The following STK17B variants were observed in gnomAD, a reference collection of about 807,000 sequenced individuals.
The protein encoded by STK17B is serine/threonine-protein kinase 17B.
STK17B carries 21 observed loss-of-function variants against 42.0 expected under a neutral mutation model. That is an observed-to-expected ratio of 0.50 (90% CI 0.35 to 0.72). The LOEUF (loss-of-function observed/expected upper bound fraction) is 0.72, where lower values mean the gene tolerates loss of function less well. STK17B is among the 30% of genes least tolerant of loss of function. STK17B has a pLI of 0.00. For synonymous variants in STK17B, 143 were observed against 148.4 expected (o/e 0.96, Z 0.26); for missense variants, 349 against 446.0 (o/e 0.78, Z 1.96).
intron 2 of STK17B, among the ~76,000 whole-genome samples, chr2:196,160,181 G>A (rs1699793138): frequency 6.7e-6 from 1 of 149,736 alleles, no homozygotes; most frequent in Non-Finnish European, 1.5e-5. Flanking sequence ...TCCCAGCAGC[G>A]AAAAGGTCTA....
chr2:196,137,503 GA>G lies in STK17B; in HGVS notation c.1062del (p.Arg355ValfsTer52). On this transcript the variant is annotated frameshift_variant, in exon 8 of 8. Transcript: ENST00000263955. LOFTEE classifies it high-confidence loss of function. ...GGATTGGGTAATGAGTCATCGAAAC[GA>G]AATCTTTTGGAAACCATGCTGCTAT... ...PEDSSMVSKR[F>X]RFDDSLPNPH... 1 of 1,614,088 alleles carries G rather than the reference GA, an allele frequency of 6.2e-7. No individual in the cohort carries two copies. The highest frequency in any genetic ancestry group is 8.5e-7 in the Non-Finnish European group (1 of 1,179,982).
At chr2:196,155,408 T>C (rs1454668853) in intron 3 of STK17B, among the ~76,000 whole-genome samples, 2 of 152,192 alleles carry the variant, frequency 1.3e-5, no homozygotes, top group African/African-American at 4.8e-5. Context: ...AAATCTTCAT[T>C]TTCATTCACA....
At chr2:196,143,297 T>G (rs1334591869) in intron 5 of STK17B, among the ~76,000 whole-genome samples, 3 of 152,212 alleles carry the variant, frequency 2.0e-5, no homozygotes, top group Non-Finnish European at 4.4e-5. Context: ...TCTTTTTTCC[T>G]TATGTACAAA....
chr2:196,138,582 GT>G (rs935157736), intron 7 of STK17B, among the ~76,000 whole-genome samples: 110 of 144,272 alleles, frequency 7.6e-4, no homozygotes, highest in Middle Eastern at 7.1e-3. Context: ...TTTTTTTTTG[GT>G]TTTTTTTTTT....
At chr2:196,162,787 G>A (rs1239195816) in intron 2 of STK17B, among the ~76,000 whole-genome samples, 1 of 152,074 alleles carries the variant, frequency 6.6e-6, no homozygotes, top group African/African-American at 2.4e-5. Flanking sequence ...CTACTTAGGA[G>A]GCTGAGGTGG....
intron 4 of STK17B, 115 bp downstream of exon 4, chr2:196,145,796 G>T: frequency 9.5e-7 from 1 of 1,057,634 alleles, no homozygotes; most frequent in Non-Finnish European, 1.3e-6. Context: ...CACCAGTGCA[G>T]TCTAGAAGAC....
intron 3 of STK17B, among the ~76,000 whole-genome samples, chr2:196,155,831 T>G (rs1207158609): frequency 3.0e-4 from 46 of 152,330 alleles, no homozygotes; most frequent in Non-Finnish European, 1.5e-5. Context: ...CCTGGTGAAC[T>G]GTAGAATACT....
At position 196,133,855 on chromosome 2, in the gene STK17B, T is replaced by A. The variant is rs560848033; in HGVS notation, c.*3592A>T. 11 of 152,324 alleles carry A rather than the reference T, an allele frequency of 7.2e-5. No individual in the cohort carries two copies. Among genetic ancestry groups the A allele is most frequent in the Middle Eastern group, 3.4e-3 (1 of 294 alleles). 9.4% of individuals were successfully genotyped at this position (152,324 alleles called of 1,614,324 possible). ...AAATATGGCAGGAAGTTGTAATTTA[T>A]GGAAAATTTACAATTATTCTTTAAA... On this transcript the variant is annotated 3_prime_UTR_variant, in exon 8 of 8. Coordinates refer to ENST00000263955, the MANE Select transcript of STK17B (RefSeq NM_004226.4).
Position 196,135,025 on chromosome 2 carries a change from A to G in STK17B, c.*2422T>C, listed in dbSNP as rs1156570589. 1 of 152,186 alleles carries G rather than the reference A, an allele frequency of 6.6e-6. No homozygotes were observed. The highest frequency in any genetic ancestry group is 1.5e-5 in the Non-Finnish European group (1 of 68,018). 9.4% of individuals were successfully genotyped at this position (152,186 alleles called of 1,614,324 possible). A position where few individuals can be genotyped will look rare whatever the true frequency, so the allele number is the denominator to read the frequency against. ...TGCAATCACTAGTTGCTTTTTTACT[A>G]TAAAACTTAATATCAGGAAAAAAGG... is the stretch of plus-strand genomic sequence containing the variant. On this transcript the variant is annotated 3_prime_UTR_variant, in exon 8 of 8. Transcript: ENST00000263955.
In STK17B at chr2:196,137,538, A is replaced by T. The variant is rs185557932; in HGVS notation, c.1028T>A (p.Ile343Asn). Residue 343 changes from isoleucine to asparagine, a missense_variant, in exon 8 of 8, where the codon ATC (isoleucine) becomes AAC (asparagine). Coordinates refer to ENST00000263955, the MANE Select transcript of STK17B (RefSeq NM_004226.4). ...GGAAACCATGCTGCTATCCTCTGGG[A>T]TATTCTCTTTGTCTTCTCTATCACC... ...TCGDREDKENIPEDSSMVSKR... is the reference protein window; with the variant it reads ...TCGDREDKENNPEDSSMVSKR... The T allele has an allele frequency of 1.2e-4, 194 of 1,614,100 alleles. No homozygotes were observed. The highest frequency in any genetic ancestry group is 7.0e-4 in the Admixed American group (42 of 60,022).
upstream of STK17B, chr2:196,174,290 G>A (rs781152826): frequency 3.9e-5 from 6 of 152,118 alleles, no homozygotes; most frequent in Non-Finnish European, 7.3e-5. Flanking sequence ...GTAATGGCAC[G>A]ACACTCACCA....
intron 2 of STK17B, among the ~76,000 whole-genome samples, chr2:196,159,512 A>G (rs1248564790): frequency 6.6e-6 from 1 of 151,952 alleles, no homozygotes; most frequent in Non-Finnish European, 1.5e-5. Context: ...GTGTCTCCCT[A>G]TGTTGCCCAG....
rs553540714 is a variant in STK17B at position 196,169,720 on chromosome 2, G to C, written c.-45+1613C>G. 3.6e-4 allele frequency among the ~76,000 whole-genome samples: 55 copies of C among 152,174 alleles called. 2 individuals carry two copies. The Middle Eastern group carries it at 0.01, about 28-fold the overall frequency. On this transcript the variant is annotated intron_variant, in intron 1 of 7. Coordinates refer to ENST00000263955, the MANE Select transcript of STK17B (RefSeq NM_004226.4). ...GTCAAACCTCCAACTTCCTAAAAAC[G>C]CATTCTATCTTAACCAAATCGTAAT...
chr2:196,137,055 C>A lies in STK17B; in HGVS notation c.*392G>T, dbSNP rs1375236730. On this transcript the variant is annotated 3_prime_UTR_variant, in exon 8 of 8. Transcript: ENST00000263955. ...TGATAGAGGCATGGTATAAGAGTCACCTTAGAGAGAGAACCTATTAAATTC... is the reference window on the plus strand; with the variant it reads ...TGATAGAGGCATGGTATAAGAGTCAACTTAGAGAGAGAACCTATTAAATTC... The A allele has an allele frequency of 5.7e-6, 1 of 176,348 alleles. No homozygotes were observed. Among genetic ancestry groups the A allele is most frequent in the Non-Finnish European group, 1.2e-5 (1 of 83,412 alleles). 10.9% of individuals were successfully genotyped at this position (176,348 alleles called of 1,614,324 possible).
At chr2:196,163,796 G>A (rs1699843088) in intron 1 of STK17B, among the ~76,000 whole-genome samples, 1 of 152,094 alleles carries the variant, frequency 6.6e-6, no homozygotes, top group Admixed American at 6.6e-5. Context: ...CCAGCACTTT[G>A]GGAGGCTGAG....
Position 196,143,417 on chromosome 2 carries a change from C to T in STK17B, c.607+143G>A, listed in dbSNP as rs1418370378. ...TTCATTTAAATGTGTCTTAACCTAACCAAGTTTTAATGTATCAAAATACTT... is the reference window on the plus strand; with the variant it reads ...TTCATTTAAATGTGTCTTAACCTAATCAAGTTTTAATGTATCAAAATACTT... On this transcript the variant is annotated intron_variant, in intron 5 of 7. Transcript: ENST00000263955. 3 of 761,246 alleles carry T rather than the reference C, an allele frequency of 3.9e-6. No homozygotes were observed. The African/African-American group carries it at 5.4e-5, about 14-fold the overall frequency. 47.2% of individuals were successfully genotyped at this position (761,246 alleles called of 1,614,324 possible).
At chr2:196,160,820 A>G (rs1024290878) in intron 2 of STK17B, among the ~76,000 whole-genome samples, 1 of 152,218 alleles carries the variant, frequency 6.6e-6, no homozygotes, top group Non-Finnish European at 1.5e-5. Context: ...AAATTCTATC[A>G]TGAGTTTTTG....
At chr2:196,156,700 C>T (rs141161105) in intron 2 of STK17B, 49 bp from the exon 3 acceptor site, 75 of 1,423,118 alleles carry the variant, frequency 5.3e-5, no homozygotes, top group Non-Finnish European at 6.4e-5. Context: ...CAGAGAACAA[C>T]GTTAGTATAT....
At chr2:196,162,026 A>C (rs1363196261) in intron 2 of STK17B, among the ~76,000 whole-genome samples, 1 of 152,218 alleles carries the variant, frequency 6.6e-6, no homozygotes, top group Non-Finnish European at 1.5e-5. Context: ...ACAAATATGG[A>C]CTTAGTAAAC....
Sources: gnomAD v4.1 joint callset for allele counts (sites outside exome capture counted in the v4.1 genomes callset) on GRCh38, gnomAD v4.1.1 for gene constraint, MANE v1.5 for transcripts, NCBI Gene and HGNC (gene_info 2026-07-23, HGNC 2026-07-21) for gene names.